The following CCDC40 variants were observed in gnomAD, a reference collection of about 807,000 sequenced individuals.
The protein encoded by CCDC40 is coiled-coil domain-containing protein 40.
CCDC40 carries 104 observed loss-of-function variants against 124.5 expected under a neutral mutation model. The ratio of observed to expected loss-of-function variants is 0.84; its 90% CI spans 0.71 to 0.98. The LOEUF (loss-of-function observed/expected upper bound fraction) is 0.98, where lower values mean the gene tolerates loss of function less well. CCDC40 is among the 50% of genes least tolerant of loss of function. The pLI, the probability that CCDC40 is intolerant of heterozygous loss-of-function variation, is 0.00. For missense variants in CCDC40, 1,463 were observed against 1,503.9 expected, an observed-to-expected ratio of 0.97 and a Z score of 0.45; for synonymous variants, 580 against 602.9, an observed-to-expected ratio of 0.96 and a Z score of 0.56.
intron 19 of CCDC40, 84 bp downstream of exon 19, chr17:80,097,487 G>C: frequency 6.9e-7 from 1 of 1,458,582 alleles, no homozygotes; most frequent in Non-Finnish European, 9.5e-7. Context: ...CTCTGTGCGA[G>C]TCACGGCCTC....
At chr17:80,098,917 G>A (rs940579815) in intron 19 of CCDC40, 1 of 150,552 alleles carries the variant, frequency 6.6e-6, no homozygotes, top group Non-Finnish European at 1.5e-5. Context: ...GGAGCCAGAG[G>A]TTGCAGTGTG....
intron 16 of CCDC40, chr17:80,088,539 A>G: frequency 3.5e-6 from 1 of 282,376 alleles, no homozygotes; most frequent in South Asian, 3.4e-5. Context: ...TTCATGAGCC[A>G]CCGTGCCCAG....
chr17:80,068,606 T>A (rs912184947), intron 10 of CCDC40, among the ~76,000 whole-genome samples: 4 of 151,758 alleles, frequency 2.6e-5, no homozygotes, highest in Admixed American at 2.6e-4. Context: ...ATGGTCAGGA[T>A]GGTGCATACC....
At chr17:80,062,488 C>T (rs879313331) in intron 9 of CCDC40, among the ~76,000 whole-genome samples, 10 of 142,980 alleles carry the variant, frequency 7.0e-5, no homozygotes, top group Non-Finnish European at 1.5e-4. Flanking sequence ...CGTTGTGTGA[C>T]GTTCCCCTTC....
chr17:80,083,924 C>T (rs912690114), intron 12 of CCDC40, among the ~76,000 whole-genome samples: 6 of 152,284 alleles, frequency 3.9e-5, no homozygotes, highest in African/African-American at 1.2e-4. Flanking sequence ...ACATAAGACC[C>T]GACTTACCAG....
chr17:80,076,297 GGT>G (rs2038309443), intron 10 of CCDC40, among the ~76,000 whole-genome samples: 1 of 152,110 alleles, frequency 6.6e-6, no homozygotes, highest in South Asian at 2.1e-4. Context: ...TTGCCGTCCA[GGT>G]GGGGTGACTC....
At chr17:80,073,275 T>A (rs2038236274) in intron 10 of CCDC40, among the ~76,000 whole-genome samples, 1 of 152,148 alleles carries the variant, frequency 6.6e-6, no homozygotes, top group African/African-American at 2.4e-5. Flanking sequence ...AGTGCTGGGA[T>A]TACAGGAATC....
chr17:80,092,343 C>T (rs1230126846), intron 17 of CCDC40, among the ~76,000 whole-genome samples: 1 of 151,892 alleles, frequency 6.6e-6, no homozygotes, highest in African/African-American at 2.4e-5. Flanking sequence ...GCCAGCCCTA[C>T]AAGTTTTGAT....
At chr17:80,049,223 C>A (rs2037513164) in intron 5 of CCDC40, among the ~76,000 whole-genome samples, 1 of 149,696 alleles carries the variant, frequency 6.7e-6, no homozygotes, top group African/African-American at 2.5e-5. Context: ...GGTGAAACCC[C>A]ATCTCTACTA....
At chr17:80,042,300 A>G (rs948973572) in intron 3 of CCDC40, among the ~76,000 whole-genome samples, 1 of 152,112 alleles carries the variant, frequency 6.6e-6, no homozygotes, top group Non-Finnish European at 1.5e-5. Context: ...CGGTATTTTT[A>G]GTAGAGATGG....
At chr17:80,054,424 A>G (rs1222158887) in intron 7 of CCDC40, among the ~76,000 whole-genome samples, 1 of 152,190 alleles carries the variant, frequency 6.6e-6, no homozygotes, top group Non-Finnish European at 1.5e-5. Context: ...AGGAACAAAC[A>G]CTTCCTGTGT....
At chr17:80,085,666 CTTTTT>C (rs5822324) in intron 13 of CCDC40, among the ~76,000 whole-genome samples, 4 of 109,982 alleles carry the variant, frequency 3.6e-5, no homozygotes, top group Non-Finnish European at 5.5e-5. Context: ...GCTAATTTTG[CTTTTT>C]TTTTTTTTTT....
At chr17:80,064,115 T>A (rs973173389) in intron 9 of CCDC40, among the ~76,000 whole-genome samples, 2 of 152,134 alleles carry the variant, frequency 1.3e-5, no homozygotes, top group Non-Finnish European at 2.9e-5. Flanking sequence ...CCCCTCATCG[T>A]GGTATACTTA....
In CCDC40 at chr17:80,036,763, C is replaced by T. The variant is rs574583489; in HGVS notation, c.29+72C>T. 4.7e-4 allele frequency: 662 copies of T among 1,397,818 alleles called. 12 individuals carry two copies. In the South Asian group the frequency reaches 8.3e-3, roughly 18 times the overall value. 86.6% of individuals were successfully genotyped at this position (1,397,818 alleles called of 1,614,324 possible). On this transcript the variant is annotated intron_variant, in intron 1 of 19. Coordinates refer to ENST00000397545, the MANE Select transcript of CCDC40 (RefSeq NM_017950.4). ...CTCTCCGTTCACCGCTCCAGGTGGC[C>T]CCCGCGTCGGCTCCTGCCTCGCCCC... is the stretch of plus-strand genomic sequence containing the variant.
At chr17:80,048,871 T>A (rs2037501348) in intron 5 of CCDC40, 110 bp downstream of exon 5, 2 of 981,998 alleles carry the variant, frequency 2.0e-6, no homozygotes, top group East Asian at 2.6e-5. Flanking sequence ...GCTGTACTTG[T>A]ATCTCGCCTG....
At chr17:80,076,791 G>T (rs940100481) in intron 10 of CCDC40, among the ~76,000 whole-genome samples, 3 of 151,678 alleles carry the variant, frequency 2.0e-5, no homozygotes, top group African/African-American at 7.3e-5. Context: ...CATTACCCAG[G>T]CTGGAGTGCA....
In CCDC40 at chr17:80,090,295, G is replaced by T; in HGVS notation, c.2832+411G>T. 4 of 1,313,174 alleles carry T rather than the reference G, an allele frequency of 3.0e-6. 1 individual carries two copies. The highest frequency in any genetic ancestry group is 1.0e-6 in the Non-Finnish European group (1 of 988,366). 81.3% of individuals were successfully genotyped at this position (1,313,174 alleles called of 1,614,324 possible). On this transcript the variant is annotated intron_variant, in intron 17 of 19. Coordinates refer to ENST00000397545, the MANE Select transcript of CCDC40 (RefSeq NM_017950.4). ...CGTGCACGAACAACACGGGACGCGC[G>T]CAGGCACGTGCACGAACAACACGGG...
chr17:80,078,839 T>C (rs1424426531), intron 10 of CCDC40, among the ~76,000 whole-genome samples: 6 of 152,184 alleles, frequency 3.9e-5, no homozygotes, highest in African/African-American at 1.2e-4. Flanking sequence ...TGAAATTACA[T>C]TGAATCCATA....
At chr17:80,084,610 C>G in intron 12 of CCDC40, 133 bp from the exon 13 acceptor site, 1 of 1,068,750 alleles carries the variant, frequency 9.4e-7, no homozygotes, top group South Asian at 1.4e-5. Flanking sequence ...AATCCAGCCT[C>G]CTGCACTCGT....
Sources: allele counts gnomAD v4.1 joint callset (sites outside exome capture counted in the v4.1 genomes callset), GRCh38; gene constraint gnomAD v4.1.1; transcripts MANE v1.5; gene names NCBI Gene and HGNC (gene_info 2026-07-23, HGNC 2026-07-21).